RPF2: variants seen among roughly 807,000 people sequenced by gnomAD.
RPF2 encodes the protein brix domain containing 1.
Under a neutral mutation model 38.9 loss-of-function variants are expected in RPF2, and 21 were observed. The observed-to-expected ratio is 0.54, with a 90% CI of 0.38 to 0.78. The LOEUF is 0.78. Among genes scored for constraint, RPF2 ranks in the 30% least tolerant of loss-of-function variants. The pLI, the probability that RPF2 is intolerant of heterozygous loss-of-function variation, is 0.00. For synonymous variants in RPF2, 121 were observed against 126.2 expected, an observed-to-expected ratio of 0.96 and a Z score of 0.28; for missense variants, 314 against 358.1, an observed-to-expected ratio of 0.88 and a Z score of 0.99.
chr6:110,996,550 C>T (rs1316574410), intron 4 of RPF2, among the ~76,000 whole-genome samples: 1 of 152,134 alleles, frequency 6.6e-6, no homozygotes, highest in Non-Finnish European at 1.5e-5. Context: ...GGAATTTGTT[C>T]AGCAAATGAA....
At chr6:110,989,575 A>G (rs998801899) in intron 3 of RPF2, among the ~76,000 whole-genome samples, 3 of 146,890 alleles carry the variant, frequency 2.0e-5, no homozygotes, top group Non-Finnish European at 4.5e-5. Flanking sequence ...TTGGCCTCCC[A>G]TGTAGCTAGG....
At chr6:110,988,989 ATG>A in intron 2 of RPF2, 37 bp from the exon 3 acceptor site, 4 of 1,588,186 alleles carry the variant, frequency 2.5e-6, no homozygotes, top group East Asian at 2.3e-5. Flanking sequence ...GCTTTTCAGA[ATG>A]TGTTTTGTTT....
At chr6:110,987,033 G>A (rs1771536905) in intron 2 of RPF2, among the ~76,000 whole-genome samples, 2 of 151,720 alleles carry the variant, frequency 1.3e-5, no homozygotes, top group African/African-American at 4.8e-5. Context: ...ACAGCCAATA[G>A]ATCTTTGAAT....
In RPF2 at chr6:110,985,104, C is replaced by G. The variant is rs9320350; in HGVS notation, c.122C>G (p.Ala41Gly). ...KNAMLIKGGNANATVTKVLKD... is the reference protein window; with the variant it reads ...KNAMLIKGGNGNATVTKVLKD... ...GCCATGCTGATTAAAGGGGGAAATG[C>G]AAATGCAACAGTGACAAAAGTACTT... The change falls in exon 2 of 10, where the codon GCA (alanine) becomes GGA (glycine). Residue 41 changes from alanine (A) to glycine (G), a missense_variant. By Grantham distance (60) the Ala-to-Gly change is moderately conservative (BLOSUM62 0). Coordinates refer to ENST00000441448, the MANE Select transcript of RPF2 (RefSeq NM_032194.3). The G allele has an allele frequency of 2.4e-3, 3,792 of 1,613,320 alleles. 77 individuals carry two copies. The African/African-American group carries it at 0.045, about 19-fold the overall frequency.
At chr6:111,023,517 AG>A (rs1402210166) in intron 8 of RPF2, among the ~76,000 whole-genome samples, 1 of 152,194 alleles carries the variant, frequency 6.6e-6, no homozygotes, top group African/African-American at 2.4e-5. Context: ...GTCAAATCAA[AG>A]GATTTTATTT....
chr6:111,016,969 A>G (rs551455185), intron 8 of RPF2, among the ~76,000 whole-genome samples: 32 of 152,274 alleles, frequency 2.1e-4, no homozygotes, highest in African/African-American at 7.0e-4. Context: ...GAGTGGACAC[A>G]GCACATGTTT....
intron 7 of RPF2, among the ~76,000 whole-genome samples, chr6:111,012,082 T>C (rs1353877042): frequency 6.6e-6 from 1 of 152,046 alleles, no homozygotes; most frequent in Non-Finnish European, 1.5e-5. Flanking sequence ...TTTTTTTTTT[T>C]TTCTTAATTG....
rs954109148 is a variant in RPF2 at position 110,997,128 on chromosome 6, T to G, written c.235-55T>G. 1.1e-5 allele frequency: 13 copies of G among 1,138,978 alleles called. No homozygotes were observed. In the African/African-American group the frequency reaches 2.0e-4, roughly 18 times the overall value. 70.6% of individuals were successfully genotyped at this position (1,138,978 alleles called of 1,614,324 possible). A position where few individuals can be genotyped will look rare whatever the true frequency, so the allele number is the denominator to read the frequency against. ...AAGGTAAGATTTTTAAAGGTAAGAT[T>G]CTTAAAGTTCTTAAATTTATGCATG... is the stretch of plus-strand genomic sequence containing the variant. On this transcript the variant is annotated intron_variant, in intron 4 of 9. Coordinates refer to ENST00000441448, the MANE Select transcript of RPF2 (RefSeq NM_032194.3).
At chr6:110,997,056 C>T (rs1475432598) in intron 4 of RPF2, 127 bp from the exon 5 acceptor site, 6 of 646,122 alleles carry the variant, frequency 9.3e-6, no homozygotes, top group South Asian at 3.3e-5. Context: ...CTCGCCTCGG[C>T]GTCCCAAGTG....
intron 1 of RPF2, among the ~76,000 whole-genome samples, chr6:110,984,293 A>G (rs1279580910): frequency 2.0e-5 from 3 of 152,148 alleles, no homozygotes; most frequent in African/African-American, 7.2e-5. Context: ...TTGATGCTCA[A>G]TTCTTTGTAT....
chr6:111,015,918 T>G, intron 8 of RPF2, 62 bp downstream of exon 8: 1 of 1,250,216 alleles, frequency 8.0e-7, no homozygotes. Flanking sequence ...ACTGTGTGAC[T>G]GTTTTTTAGA....
At chr6:110,989,088 G>T (rs1159837587) in intron 3 of RPF2, 23 bp downstream of exon 3, 48 of 1,514,340 alleles carry the variant, frequency 3.2e-5, no homozygotes, top group Non-Finnish European at 3.9e-5. Flanking sequence ...TTCTTTTACT[G>T]TATTTTAAAT....
intron 8 of RPF2, among the ~76,000 whole-genome samples, chr6:111,018,354 T>A (rs1035343426): frequency 6.6e-6 from 1 of 152,220 alleles, no homozygotes; most frequent in Non-Finnish European, 1.5e-5. Context: ...AAATTGCCTT[T>A]CTCTGTACAT....
intron 6 of RPF2, among the ~76,000 whole-genome samples, chr6:111,006,049 G>A (rs1296757959): frequency 3.3e-5 from 5 of 151,830 alleles, no homozygotes; most frequent in African/African-American, 9.7e-5. Context: ...CAAGTGATGC[G>A]CCTGCCTCAG....
At position 111,025,624 on chromosome 6, in the gene RPF2, A is replaced by C. The variant is rs1772315602; in HGVS notation, c.*42A>C. Reference sequence around the variant, plus strand: ...ACTACTGTTTCATTGTGTTCTACTTAAGAGAATTATCAAGCGTCAATCCAT... The same window carrying C: ...ACTACTGTTTCATTGTGTTCTACTTCAGAGAATTATCAAGCGTCAATCCAT... On this transcript the variant is annotated 3_prime_UTR_variant, in exon 10 of 10. Transcript: ENST00000441448. 2.3e-5 allele frequency: 33 copies of C among 1,456,858 alleles called. No individual in the cohort carries two copies. The highest frequency in any genetic ancestry group is 3.1e-5 in the Non-Finnish European group (33 of 1,065,668). 90.2% of individuals were successfully genotyped at this position (1,456,858 alleles called of 1,614,324 possible).
chr6:110,998,300 G>A (rs559382652), intron 5 of RPF2, among the ~76,000 whole-genome samples: 1 of 152,290 alleles, frequency 6.6e-6, no homozygotes, highest in African/African-American at 2.4e-5. Flanking sequence ...TATTGGAGTT[G>A]TACGTATGCT....
chr6:110,982,420 T>C, intron 1 of RPF2: 1 of 494,960 alleles, frequency 2.0e-6, no homozygotes, highest in Non-Finnish European at 3.6e-6. Flanking sequence ...ACAGATGGTA[T>C]AGTGGGGTTA....
intron 2 of RPF2, among the ~76,000 whole-genome samples, chr6:110,988,434 C>CT (rs71021819): frequency 0.011 from 1,535 of 140,178 alleles, 43 homozygotes; most frequent in Admixed American, 0.063. Context: ...TTGTCTACTA[C>CT]TTTTTTTTTT....
intron 7 of RPF2, among the ~76,000 whole-genome samples, chr6:111,014,228 C>G (rs1438996631): frequency 1.3e-5 from 2 of 151,856 alleles, no homozygotes; most frequent in African/African-American, 2.4e-5. Context: ...TCTCCGCCTC[C>G]CAGGTTCAAG....
Sources: gnomAD v4.1 joint callset for allele counts (sites outside exome capture counted in the v4.1 genomes callset) on GRCh38, gnomAD v4.1.1 for gene constraint, MANE v1.5 for transcripts, NCBI Gene and HGNC (gene_info 2026-07-23, HGNC 2026-07-21) for gene names.